The following CPT2 variants were observed in gnomAD, a reference collection of about 807,000 sequenced individuals.
CPT2 encodes the protein carnitine O-palmitoyltransferase 2, mitochondrial.
In CPT2, 37 loss-of-function variants were observed where a neutral mutation model predicts 48.6. The observed-to-expected ratio is 0.76, with a 90% CI of 0.59 to 1.00. The LOEUF is 1.00. CPT2 is among the 50% of genes least tolerant of loss of function. The probability of loss-of-function intolerance (pLI) is 0.00; values close to 1 mark genes in which losing one functional copy is unlikely to be tolerated. For missense variants in CPT2, 772 were observed against 825.6 expected (o/e 0.94, Z 0.80); for synonymous variants, 319 against 326.9 (o/e 0.98, Z 0.26).
At position 53,213,331 on chromosome 1, in the gene CPT2, T is replaced by C. The variant is rs1232941559; in HGVS notation, c.1713T>C (p.Pro571=). The change falls in exon 5 of 5, where the codon CCT becomes CCC. Residue 571 remains proline (P), a synonymous_variant. Coordinates refer to ENST00000371486, the MANE Select transcript of CPT2 (RefSeq NM_000098.3). ...CAGCAGCCAAAGGGATCATCTTGCC[T>C]GAGCTCTACCTGGACCCTGCATACG... ...HLAAAKGIIL[P]ELYLDPAYGQ... The C allele has an allele frequency of 2.5e-6, 4 of 1,614,228 alleles. No individual in the cohort carries two copies. Among genetic ancestry groups the C allele is most frequent in the Non-Finnish European group, 3.4e-6 (4 of 1,180,038 alleles).
Position 53,211,041 on chromosome 1 carries a change from T to C in CPT2, c.1367T>C (p.Leu456Pro), listed in dbSNP as rs1379199621. ...VQFQRGGKEFLKKQKLSPDAV... is the reference protein window; with the variant it reads ...VQFQRGGKEFPKKQKLSPDAV... ...TTTCAGAGAGGAGGCAAAGAATTCC[T>C]GAAGAAGCAAAAGCTGAGCCCTGAC... The change falls in exon 4 of 5, where the codon CTG becomes CCG. Residue 456 changes from leucine (L) to proline (P), a missense_variant. Transcript: ENST00000371486. 6.2e-7 allele frequency: 1 copy of C among 1,614,194 alleles called. No individual in the cohort carries two copies. Among genetic ancestry groups the C allele is most frequent in the Non-Finnish European group, 8.5e-7 (1 of 1,180,028 alleles).
rs752874182 is a variant in CPT2, at chr1:53,213,520, G to T, written c.1902G>T (p.Arg634=). The T allele has an allele frequency of 6.2e-7, 1 of 1,614,244 alleles. No individual in the cohort carries two copies. Among genetic ancestry groups the T allele is most frequent in the Non-Finnish European group, 8.5e-7 (1 of 1,180,036 alleles). Residue 634 remains arginine, a synonymous_variant, in exon 5 of 5, where the codon CGG becomes CGT. Transcript: ENST00000371486. ...CTTCCTACCCAGGCCGCAATGCCCG[G>T]GAGTTTCTCCAATGTGTGGAGAAGG... ...NVSSYPGRNA[R]EFLQCVEKAL...
chr1:53,213,159 C>A, intron 4 of CPT2, 105 bp from the exon 5 acceptor site: 2 of 1,117,796 alleles, frequency 1.8e-6, no homozygotes, highest in South Asian at 1.3e-5. Flanking sequence ...TTCCCCCACT[C>A]TCAAGGATGC....
intron 4 of CPT2, chr1:53,211,582 A>ATTAATTCTT (rs1645428535): frequency 2.1e-6 from 1 of 487,092 alleles, no homozygotes; most frequent in Non-Finnish European, 3.6e-6. Flanking sequence ...GCTGTGACGC[A>ATTAATTCTT]TTAATTCTTT....
chr1:53,213,605 A>G lies in CPT2; in HGVS notation c.*10A>G. 1 of 1,610,184 alleles carries G rather than the reference A, an allele frequency of 6.2e-7. No individual in the cohort carries two copies. Among genetic ancestry groups the G allele is most frequent in the African/African-American group, 1.3e-5 (1 of 75,010 alleles). The stretch of plus-strand genomic sequence containing the variant: ...ATCCATCAAAAGTTAACTTCTGGGC[A>G]GATGAAAAGCTACCATCACTTCCTC... On this transcript the variant is annotated 3_prime_UTR_variant, in exon 5 of 5. Transcript: ENST00000371486.
At chr1:53,208,223 A>T (rs1387660170) in intron 3 of CPT2, 3 of 152,212 alleles carry the variant, frequency 2.0e-5, no homozygotes, top group African/African-American at 7.2e-5. Flanking sequence ...AGAATCAAAG[A>T]CCATGTCCTA....
chr1:53,211,223 G>A lies in CPT2; in HGVS notation c.1549G>A (p.Val517Ile). ...VYTKRCSEAFVREPSRHSAGE... is the reference protein window; with the variant it reads ...VYTKRCSEAFIREPSRHSAGE... ...TACAAAGAGGTGCTCTGAGGCCTTTGTCAGGGAGCCCTCCAGGCACAGTGC... is the reference window on the plus strand; with the variant it reads ...TACAAAGAGGTGCTCTGAGGCCTTTATCAGGGAGCCCTCCAGGCACAGTGC... The change falls in exon 4 of 5, where the codon GTC (valine) becomes ATC (isoleucine). Residue 517 changes from valine (V) to isoleucine (I), a missense_variant. Physicochemically the swap from Val to Ile is conservative, Grantham distance 29. Coordinates refer to ENST00000371486, the MANE Select transcript of CPT2 (RefSeq NM_000098.3). The A allele has an allele frequency of 6.2e-7, 1 of 1,610,160 alleles. No individual in the cohort carries two copies. The highest frequency in any genetic ancestry group is 8.5e-7 in the Non-Finnish European group (1 of 1,177,376).
chr1:53,200,842 A>G, intron 2 of CPT2, 43 bp downstream of exon 2: 1 of 1,503,332 alleles, frequency 6.7e-7, no homozygotes, highest in Non-Finnish European at 9.3e-7. Flanking sequence ...GGGGTGGTTC[A>G]AGACAGGCTG....
At chr1:53,213,082 T>A in intron 4 of CPT2, 182 bp from the exon 5 acceptor site, 1 of 623,280 alleles carries the variant, frequency 1.6e-6, no homozygotes, top group South Asian at 1.9e-5. Context: ...TCCTAAATAA[T>A]TTAAAATAAT....
intron 3 of CPT2, 89 bp from the exon 4 acceptor site, chr1:53,209,926 G>A (rs1186000485): frequency 8.9e-7 from 1 of 1,124,384 alleles, no homozygotes; most frequent in African/African-American, 1.6e-5. Context: ...CATTTCCTTT[G>A]TCTATGCTTG....
chr1:53,201,100 A>G (rs941673520), intron 2 of CPT2: 3 of 430,760 alleles, frequency 7.0e-6, no homozygotes, highest in African/African-American at 2.0e-5. Flanking sequence ...TATAGAGAGC[A>G]TGTACCCTTG....
rs1401737158 is a variant in CPT2, at chr1:53,210,522, C to T, written c.848C>T (p.Ala283Val). Residue 283 changes from alanine to valine, a missense_variant, in exon 4 of 5, where the codon GCC (alanine) becomes GTC (valine). Physicochemically the swap from Ala to Val is moderately conservative, Grantham distance 64. Coordinates refer to ENST00000371486, the MANE Select transcript of CPT2 (RefSeq NM_000098.3). ...TACATTCTCTCAGACAGCAGCCCCG[C>T]CCCCGAGTTTCCCCTGGCATACCTG... ...LKYILSDSSPAPEFPLAYLTS... is the reference protein window; with the variant it reads ...LKYILSDSSPVPEFPLAYLTS... 6.8e-6 allele frequency: 11 copies of T among 1,614,066 alleles called. No homozygotes were observed. The highest frequency in any genetic ancestry group is 9.3e-6 in the Non-Finnish European group (11 of 1,179,984).
At chr1:53,197,829 C>T (rs1645333214) in intron 1 of CPT2, among the ~76,000 whole-genome samples, 1 of 152,122 alleles carries the variant, frequency 6.6e-6, no homozygotes, top group Admixed American at 6.5e-5. Flanking sequence ...TGCAGCTCAC[C>T]CTCACAGAAT....
chr1:53,206,548 C>T (rs183575660), intron 3 of CPT2, among the ~76,000 whole-genome samples: 2 of 152,360 alleles, frequency 1.3e-5, no homozygotes, highest in South Asian at 2.1e-4. Context: ...GAGCCCACTT[C>T]TTACATCAGC....
intron 3 of CPT2, chr1:53,202,692 TG>T: frequency 2.0e-6 from 1 of 496,382 alleles, no homozygotes; most frequent in Non-Finnish European, 3.7e-6. Context: ...TGGTCCTGTC[TG>T]AAAAGGATGC....
intron 4 of CPT2, among the ~76,000 whole-genome samples, chr1:53,212,067 A>T (rs1389680935): frequency 1.4e-5 from 2 of 138,832 alleles, no homozygotes; most frequent in African/African-American, 5.4e-5. Context: ...TGATATTTTA[A>T]TTTTTTTTTT....
chr1:53,211,360 C>A, intron 4 of CPT2, 41 bp downstream of exon 4: 1 of 1,533,784 alleles, frequency 6.5e-7, no homozygotes, highest in Non-Finnish European at 8.8e-7. Context: ...GTCTTGTCCT[C>A]AGTGCTTGGG....
At position 53,204,738 on chromosome 1, in the gene CPT2, T is replaced by G. The variant is rs547583907; in HGVS notation, c.340+2309T>G. Among the ~76,000 whole-genome samples, 24 of 152,196 alleles carry G rather than the reference T, an allele frequency of 1.6e-4. 1 individual carries two copies. The South Asian group carries it at 5.0e-3, about 32-fold the overall frequency. On this transcript the variant is annotated intron_variant, in intron 3 of 4. Transcript: ENST00000371486. The stretch of plus-strand genomic sequence containing the variant: ...GGAGGTGATTGGATCATGGGGGCAG[T>G]TTTCCCCATGCTGTTCTCATGATAG...
At chr1:53,200,606 T>C (rs2100259629) in intron 1 of CPT2, 113 bp from the exon 2 acceptor site, 1 of 850,508 alleles carries the variant, frequency 1.2e-6, no homozygotes, top group African/African-American at 1.7e-5. Context: ...CGCTTCTGAT[T>C]ATTGGTTTTG....
Sources: allele counts gnomAD v4.1 joint callset (sites outside exome capture counted in the v4.1 genomes callset), GRCh38; gene constraint gnomAD v4.1.1; transcripts MANE v1.5; gene names NCBI Gene and HGNC (gene_info 2026-07-23, HGNC 2026-07-21).